The following BAZ2B variants were observed in gnomAD, a reference collection of about 807,000 sequenced individuals.
The protein encoded by BAZ2B is bromodomain adjacent to zinc finger domain protein 2B.
Under a neutral mutation model 246.0 loss-of-function variants are expected in BAZ2B, and 91 were observed. The observed-to-expected ratio is 0.37, with a 90% CI of 0.31 to 0.44. BAZ2B has a LOEUF of 0.44. BAZ2B is among the 20% of genes least tolerant of loss of function. BAZ2B has a pLI of 1.00. For synonymous variants in BAZ2B, 855 were observed against 860.0 expected (o/e 0.99, Z 0.10); for missense variants, 2,332 against 2,533.7 (o/e 0.92, Z 1.71).
the BAZ2B span, among the ~76,000 whole-genome samples, chr2:159,686,041 C>T: frequency 2.6e-5 from 4 of 152,300 alleles, no homozygotes; most frequent in East Asian, 3.9e-4. Context: ...GCAGGAGGAT[C>T]GCTGAAGGCC....
At chr2:159,484,607 A>G (rs763734807) in intron 2 of BAZ2B, among the ~76,000 whole-genome samples, 140 of 152,366 alleles carry the variant, frequency 9.2e-4, no homozygotes, top group Middle Eastern at 3.4e-3. Flanking sequence ...AAAGGATTCA[A>G]TGATCAGTTG....
At chr2:159,679,875 C>CTA in the BAZ2B span, among the ~76,000 whole-genome samples, 27 of 152,348 alleles carry the variant, frequency 1.8e-4, no homozygotes, top group African/African-American at 6.3e-4. Context: ...GTGCACTATG[C>CTA]TATAGAGTGC....
Position 159,349,269 on chromosome 2 carries a change from T to A in BAZ2B, c.4875A>T (p.Gly1625=). 1.9e-6 allele frequency: 3 copies of A among 1,600,236 alleles called. No homozygotes were observed. Among genetic ancestry groups the A allele is most frequent in the South Asian group, 1.1e-5 (1 of 88,974 alleles). The change falls in exon 29 of 37, where the codon GGA becomes GGT. Residue 1625 remains glycine, a synonymous_variant. Coordinates refer to ENST00000392783, the MANE Select transcript of BAZ2B (RefSeq NM_013450.4). ...AAAACTGAAGTCCCATCATAGATAC[T>A]CCACCTTTCACCTGCAAAAAGAAAA... The part of the protein sequence containing the change: ...FALSPLQVKG[G]VSMMGLQFCG...
intron 27 of BAZ2B, among the ~76,000 whole-genome samples, chr2:159,353,493 CA>C (rs2058770775): frequency 6.6e-6 from 1 of 152,182 alleles, no homozygotes; most frequent in South Asian, 2.1e-4. Context: ...TGAGAAGATG[CA>C]ACTGAAAGCT....
chr2:159,616,033 C>G (rs1255987076), intron 1 of BAZ2B: 1 of 152,308 alleles, frequency 6.6e-6, no homozygotes, highest in Non-Finnish European at 1.5e-5. Context: ...CCCAGCCTTC[C>G]GGCCACCACA....
At chr2:159,591,571 C>T (rs1306815487) in intron 1 of BAZ2B, among the ~76,000 whole-genome samples, 1 of 152,082 alleles carries the variant, frequency 6.6e-6, no homozygotes, top group African/African-American at 2.4e-5. Context: ...AAGGAAATTG[C>T]AGTTCATACA....
the BAZ2B span, among the ~76,000 whole-genome samples, chr2:159,638,274 C>T: frequency 3.9e-5 from 6 of 152,192 alleles, no homozygotes; most frequent in Non-Finnish European, 7.3e-5. Context: ...TCAAGAACGA[C>T]AGGCACAAAC....
intron 10 of BAZ2B, among the ~76,000 whole-genome samples, chr2:159,430,344 T>A (rs2070853950): frequency 6.6e-6 from 1 of 152,204 alleles, no homozygotes; most frequent in African/African-American, 2.4e-5. Flanking sequence ...TTGCTTATGA[T>A]TTTCTTACTA....
At chr2:159,326,049 T>C in intron 34 of BAZ2B, 131 bp from the exon 35 acceptor site, 2 of 760,596 alleles carry the variant, frequency 2.6e-6, no homozygotes, top group Non-Finnish European at 3.9e-6. Flanking sequence ...TTGATAACTA[T>C]TATTCTTAAG....
rs1305317186 is a variant in BAZ2B, at chr2:159,430,951, G to A, written c.2106C>T (p.Gly702=). 6.2e-7 allele frequency: 1 copy of A among 1,614,054 alleles called. No individual in the cohort carries two copies. Among genetic ancestry groups the A allele is most frequent in the African/African-American group, 1.3e-5 (1 of 75,024 alleles). ...PRNLHIAKAP[G]SAPAALCSES... ...CAGAACATAAGGCAGCAGGAGCAGAGCCTGGGGCTTTTGCTATGTGGAGGT... is the reference window on the plus strand; with the variant it reads ...CAGAACATAAGGCAGCAGGAGCAGAACCTGGGGCTTTTGCTATGTGGAGGT... The change falls in exon 10 of 37, where the codon GGC becomes GGT. Residue 702 remains glycine (G), a synonymous_variant. Transcript: ENST00000392783.
intron 1 of BAZ2B, among the ~76,000 whole-genome samples, chr2:159,574,175 C>A (rs962981703): frequency 2.0e-5 from 3 of 148,742 alleles, no homozygotes; most frequent in Non-Finnish European, 4.5e-5. Flanking sequence ...ACACACACAG[C>A]ACAATTTTAA....
chr2:159,352,336 C>A (rs2058651941), intron 27 of BAZ2B, among the ~76,000 whole-genome samples: 1 of 152,022 alleles, frequency 6.6e-6, no homozygotes, highest in South Asian at 2.1e-4. Context: ...AAAATTAGGA[C>A]CCCCCATTCA....
At chr2:159,664,956 C>T in the BAZ2B span, among the ~76,000 whole-genome samples, 2 of 151,614 alleles carry the variant, frequency 1.3e-5, no homozygotes. Context: ...CTTGCCCCAT[C>T]GTCTCAGCCC....
chr2:159,325,878 T>C lies in BAZ2B; in HGVS notation c.5984A>G (p.Lys1995Arg), dbSNP rs765363163. ...CTTTGACTCATTAGTCTTTTTTCCTTTGACATGAAGTTTTTTGATTTTTAG... is the reference window on the plus strand; with the variant it reads ...CTTTGACTCATTAGTCTTTTTTCCTCTGACATGAAGTTTTTTGATTTTTAG... ...QTLKIKKLHV[K>R]GKKTNESKKG... is the part of the protein sequence containing the mutation. Residue 1995 changes from lysine (K) to arginine (R), a missense_variant, in exon 35 of 37, where the codon AAA becomes AGA. By Grantham distance (26) the Lys-to-Arg change is conservative. Around this residue, in one of 9 missense-constraint regions of BAZ2B, gnomAD observed 210 missense variants for 232.5 expected, o/e 0.90. Transcript: ENST00000392783. 2.5e-6 allele frequency: 4 copies of C among 1,592,588 alleles called. No individual in the cohort carries two copies. Among genetic ancestry groups the C allele is most frequent in the Non-Finnish European group, 2.6e-6 (3 of 1,174,904 alleles).
rs189925729 is a variant in BAZ2B, at chr2:159,372,485, A to G, written c.4213+560T>C. Among the ~76,000 whole-genome samples, 4 of 152,382 alleles carry G rather than the reference A, an allele frequency of 2.6e-5. No individual in the cohort carries two copies. The East Asian group carries it at 7.7e-4, about 29-fold the overall frequency. On this transcript the variant is annotated intron_variant, in intron 27 of 36. Transcript: ENST00000392783. ...AAATGCATAATGCACTCTGCTAGTT[A>G]ATGTAACAGAAATGGAGCCAGCGAA...
chr2:159,395,726 C>T (rs779604160), intron 20 of BAZ2B, 43 bp downstream of exon 20: 4 of 1,487,050 alleles, frequency 2.7e-6, no homozygotes, highest in Admixed American at 2.0e-5. Context: ...TAGGAAAAAG[C>T]ATTACTTTAT....
the BAZ2B span, among the ~76,000 whole-genome samples, chr2:159,701,520 GAA>G: frequency 1.3e-5 from 2 of 151,196 alleles, no homozygotes; most frequent in Non-Finnish European, 2.9e-5. Flanking sequence ...AAAATTCAGG[GAA>G]AAGAGGGAAA....
intron 2 of BAZ2B, among the ~76,000 whole-genome samples, chr2:159,538,842 G>A (rs2086315188): frequency 1.3e-5 from 2 of 152,128 alleles, no homozygotes; most frequent in Admixed American, 6.5e-5. Flanking sequence ...AGGGATGAGG[G>A]AAAAAGGAAG....
the BAZ2B span, among the ~76,000 whole-genome samples, chr2:159,706,110 C>T: frequency 6.6e-6 from 1 of 152,036 alleles, no homozygotes; most frequent in Non-Finnish European, 1.5e-5. Flanking sequence ...AACACACACA[C>T]TCTTTTATGA....
Sources: gnomAD v4.1 joint callset for allele counts (sites outside exome capture counted in the v4.1 genomes callset) on GRCh38, gnomAD v4.1.1 for gene constraint, gnomAD v4.1.1 regional missense constraint, MANE v1.5 for transcripts, NCBI Gene and HGNC (gene_info 2026-07-23, HGNC 2026-07-21) for gene names.